ZBTB39: variants seen among roughly 807,000 people sequenced by gnomAD.
ZBTB39 encodes the protein zinc finger and BTB domain-containing protein 39.
Under a neutral mutation model 39.4 loss-of-function variants are expected in ZBTB39, and 25 were observed. That is an observed-to-expected ratio of 0.63 (90% CI 0.46 to 0.89). The LOEUF (loss-of-function observed/expected upper bound fraction) is 0.89. Among genes scored for constraint, ZBTB39 ranks in the 40% least tolerant of loss-of-function variants. The pLI is 0.00. For synonymous variants in ZBTB39, 373 were observed against 359.6 expected, an observed-to-expected ratio of 1.04 and a Z score of -0.42; for missense variants, 891 against 909.7, an observed-to-expected ratio of 0.98 and a Z score of 0.26.
chr12:56,998,961 C>T lies in ZBTB39; in HGVS notation c.*3818G>A, dbSNP rs748523771. ...TGGGGAAAAAAGTTTACAAAATATA[C>T]AAAACTTTACAGCAATAGATAGTAA... On this transcript the variant is annotated 3_prime_UTR_variant, in exon 2 of 2. Coordinates refer to ENST00000300101, the MANE Select transcript of ZBTB39 (RefSeq NM_014830.3). The T allele has an allele frequency of 1.8e-4, 28 of 152,612 alleles. No homozygotes were observed. In the East Asian group the frequency reaches 5.2e-3, roughly 28 times the overall value. 9.5% of individuals were successfully genotyped at this position (152,612 alleles called of 1,614,324 possible).
chr12:57,005,258 G>C (rs2092842526), intron 1 of ZBTB39, among the ~76,000 whole-genome samples: 2 of 152,180 alleles, frequency 1.3e-5, no homozygotes, highest in South Asian at 2.1e-4. Context: ...TTCATTACCA[G>C]AGCCACTGGA....
At position 57,003,253 on chromosome 12, in the gene ZBTB39, G is replaced by A. The variant is rs1956221310; in HGVS notation, c.1665C>T (p.Tyr555=). Residue 555 remains tyrosine (Y), a synonymous_variant, in exon 2 of 2, where the codon TAC becomes TAT. Coordinates refer to ENST00000300101, the MANE Select transcript of ZBTB39 (RefSeq NM_014830.3). The surrounding 1 kb of genome is among the most constrained non-coding windows in gnomAD (Gnocchi z 4.8). ...TGTTGCATTTGTGCTGGCTGACGTG[G>A]TAGCGATAGGCAGCCTCTGACTTGA... ...QSFKSEAAYR[Y]HVSQHKCNSG... The A allele has an allele frequency of 6.2e-7, 1 of 1,614,240 alleles. No individual in the cohort carries two copies. The highest frequency in any genetic ancestry group is 8.5e-7 in the Non-Finnish European group (1 of 1,180,022).
intron 1 of ZBTB39, among the ~76,000 whole-genome samples, chr12:57,006,094 C>G (rs2136411539): frequency 6.6e-6 from 1 of 152,294 alleles, no homozygotes; most frequent in East Asian, 1.9e-4. Context: ...CCGGGCGCCG[C>G]GGTCTCCCCT....
Position 57,002,840 on chromosome 12 carries a change from ATGG to A in ZBTB39, c.2075_2077del (p.Thr692del). On this transcript the variant is annotated inframe_deletion, in exon 2 of 2. Coordinates refer to ENST00000300101, the MANE Select transcript of ZBTB39 (RefSeq NM_014830.3). ...GATGATGTACATGAAGGTCTGCTCG[ATGG>A]TGAAGTCAGGGGGGAGGCTGCCTTT... 6.2e-7 allele frequency: 1 copy of A among 1,614,178 alleles called. No individual in the cohort carries two copies. Among genetic ancestry groups the A allele is most frequent in the Non-Finnish European group, 8.5e-7 (1 of 1,180,042 alleles).
At chr12:57,006,170 C>G (rs1037658654) in intron 1 of ZBTB39, among the ~76,000 whole-genome samples, 1 of 151,940 alleles carries the variant, frequency 6.6e-6, no homozygotes, top group Non-Finnish European at 1.5e-5. Context: ...AGGCAACGAG[C>G]GCCTCAGTCC....
At chr12:57,005,482 G>A (rs74600314) in intron 1 of ZBTB39, among the ~76,000 whole-genome samples, 1,641 of 152,128 alleles carry the variant, frequency 0.011, 26 homozygotes, top group African/African-American at 0.037. Context: ...TAAATCTCAC[G>A]TTCTTGAATC....
rs931680807 is a variant in ZBTB39 at position 57,001,766 on chromosome 12, C to T, written c.*1013G>A. ...CTACACACCACCAGTTACTCAGGTCCCTTTAATCCTGAAGGGCTCGCGGTC... is the reference window on the plus strand; with the variant it reads ...CTACACACCACCAGTTACTCAGGTCTCTTTAATCCTGAAGGGCTCGCGGTC... On this transcript the variant is annotated 3_prime_UTR_variant, in exon 2 of 2. Coordinates refer to ENST00000300101, the MANE Select transcript of ZBTB39 (RefSeq NM_014830.3). The T allele has an allele frequency of 1.3e-5, 2 of 152,984 alleles. No homozygotes were observed. Among genetic ancestry groups the T allele is most frequent in the African/African-American group, 4.8e-5 (2 of 41,426 alleles). 9.5% of individuals were successfully genotyped at this position (152,984 alleles called of 1,614,324 possible). A position where few individuals can be genotyped will look rare whatever the true frequency, so the allele number is the denominator to read the frequency against.
Position 57,002,447 on chromosome 12 carries a change from C to T in ZBTB39, c.*332G>A, listed in dbSNP as rs529115780. On this transcript the variant is annotated 3_prime_UTR_variant, in exon 2 of 2. Transcript: ENST00000300101. ...GGTTGGATTCTTAGCAGCATAAAACCTATCAGTAAACTAAAACTAGAGAGG... is the reference window on the plus strand; with the variant it reads ...GGTTGGATTCTTAGCAGCATAAAACTTATCAGTAAACTAAAACTAGAGAGG... 5.9e-5 allele frequency: 18 copies of T among 304,572 alleles called. No homozygotes were observed. In the Admixed American group the frequency reaches 6.0e-4, roughly 10 times the overall value. The allele number at this position is 304,572 out of a possible 1,614,324, so 18.9% of individuals were successfully genotyped here.
At position 56,999,743 on chromosome 12, in the gene ZBTB39, C is replaced by G; in HGVS notation, c.*3036G>C. On this transcript the variant is annotated 3_prime_UTR_variant, in exon 2 of 2. Coordinates refer to ENST00000300101, the MANE Select transcript of ZBTB39 (RefSeq NM_014830.3). The stretch of plus-strand genomic sequence containing the variant: ...GCCTCTGCTGTTTAACCCCGGGTGC[C>G]ACACAAGTATTACCATTTTCCCCTC... The G allele has an allele frequency of 6.6e-6, 1 of 152,208 alleles. No individual in the cohort carries two copies. Among genetic ancestry groups the G allele is most frequent in the African/African-American group, 2.4e-5 (1 of 41,442 alleles). 9.4% of individuals were successfully genotyped at this position (152,208 alleles called of 1,614,324 possible). A position where few individuals can be genotyped will look rare whatever the true frequency, so the allele number is the denominator to read the frequency against.
rs1456253742 is a variant in ZBTB39 at position 57,004,617 on chromosome 12, C to T, written c.301G>A (p.Val101Ile). ...AGACGCTCAGCTACCTCGTAGATGA[C>T]CCCAACATTGATCAGGTCTGTGAAG... ...ELFTDLINVG[V>I]IYEVAERLGM... The change falls in exon 2 of 2, where the codon GTC (valine) becomes ATC (isoleucine). Residue 101 changes from valine to isoleucine, a missense_variant. Val to Ile is a conservative substitution (Grantham distance 29, BLOSUM62 3). Transcript: ENST00000300101. 6.2e-7 allele frequency: 1 copy of T among 1,614,104 alleles called. No individual in the cohort carries two copies. Among genetic ancestry groups the T allele is most frequent in the Non-Finnish European group, 8.5e-7 (1 of 1,180,064 alleles).
rs1256346341 is a variant in ZBTB39, at chr12:57,004,724, T to C, written c.194A>G (p.Asp65Gly). 6.2e-7 allele frequency: 1 copy of C among 1,614,154 alleles called. No homozygotes were observed. Among genetic ancestry groups the C allele is most frequent in the Admixed American group, 1.7e-5 (1 of 60,028 alleles). Residue 65 changes from aspartate to glycine, a missense_variant, in exon 2 of 2, where the codon GAT becomes GGT. Coordinates refer to ENST00000300101, the MANE Select transcript of ZBTB39 (RefSeq NM_014830.3). ...FQNLFLNTGL[D>G]AARTYVVDFI... ...GTCCACCACATAGGTCCTGGCAGCA[T>C]CAAGCCCAGTATTCAGGAAGAGGTT...
rs1956205280 is a variant in ZBTB39, at chr12:57,000,674, A to C, written c.*2105T>G. ...AGGGAGAAGCCAGTCAGCAATGAAG[A>C]GTCTCAACACTGCTTTCCTGATGAG... On this transcript the variant is annotated 3_prime_UTR_variant, in exon 2 of 2. Coordinates refer to ENST00000300101, the MANE Select transcript of ZBTB39 (RefSeq NM_014830.3). 6.6e-6 allele frequency: 1 copy of C among 152,288 alleles called. No homozygotes were observed. The highest frequency in any genetic ancestry group is 1.5e-5 in the Non-Finnish European group (1 of 68,048). The allele number at this position is 152,288 out of a possible 1,614,324, so 9.4% of individuals were successfully genotyped here. A position where few individuals can be genotyped will look rare whatever the true frequency, so the allele number is the denominator to read the frequency against.
Position 57,003,145 on chromosome 12 carries a change from A to G in ZBTB39, c.1773T>C (p.Gly591=). ...GTTGGCCCTGCAGCGCCAGCTCTTC[A>G]CCCAGAAACTCCTCTGCTGGCAGCT... ...KRKLPAEEFL[G]EELALQGQPG... Residue 591 remains glycine, a synonymous_variant, in exon 2 of 2, where the codon GGT becomes GGC. Coordinates refer to ENST00000300101, the MANE Select transcript of ZBTB39 (RefSeq NM_014830.3). The surrounding 1 kb of genome is among the most constrained non-coding windows in gnomAD (Gnocchi z 4.8). 6.2e-7 allele frequency: 1 copy of G among 1,614,040 alleles called. No individual in the cohort carries two copies. The highest frequency in any genetic ancestry group is 1.1e-5 in the South Asian group (1 of 91,074).
rs1209102708 is a variant in ZBTB39, at chr12:57,004,113, T to C, written c.805A>G (p.Ile269Val). Residue 269 changes from isoleucine to valine, a missense_variant, in exon 2 of 2, where the codon ATT becomes GTT. Ile to Val is a conservative substitution (Grantham distance 29). Coordinates refer to ENST00000300101, the MANE Select transcript of ZBTB39 (RefSeq NM_014830.3). ...AGACAGGAGTTGGTCCCAGTGGTAA[T>C]GTCTACTGCATTGTCAGGGGTGAGG... ...SFLTPDNAVD[I>V]TTGTNSCLSN... The C allele has an allele frequency of 1.2e-6, 2 of 1,614,074 alleles. No homozygotes were observed. Among genetic ancestry groups the C allele is most frequent in the African/African-American group, 2.7e-5 (2 of 74,930 alleles).
chr12:57,005,880 C>T (rs987490621), intron 1 of ZBTB39, among the ~76,000 whole-genome samples: 8 of 152,212 alleles, frequency 5.3e-5, no homozygotes, highest in African/African-American at 1.4e-4. Context: ...CCAACACAGC[C>T]CCTTTCTCCA....
At position 57,002,958 on chromosome 12, in the gene ZBTB39, T is replaced by G; in HGVS notation, c.1960A>C (p.Thr654Pro). ...GRSTIKCHLK[T>P]HSGALMYRCT... Reference sequence around the variant, plus strand: ...CGGTACATGAGGGCCCCCGAGTGTGTCTTTAGGTGGCACTTGATGGTCGAG... The same window carrying G: ...CGGTACATGAGGGCCCCCGAGTGTGGCTTTAGGTGGCACTTGATGGTCGAG... The change falls in exon 2 of 2, where the codon ACA becomes CCA. Residue 654 changes from threonine (T) to proline (P), a missense_variant. Transcript: ENST00000300101. The G allele has an allele frequency of 6.2e-7, 1 of 1,614,194 alleles. No homozygotes were observed. The highest frequency in any genetic ancestry group is 8.5e-7 in the Non-Finnish European group (1 of 1,180,032).
At position 57,002,448 on chromosome 12, in the gene ZBTB39, T is replaced by C; in HGVS notation, c.*331A>G. 3.2e-6 allele frequency: 1 copy of C among 308,484 alleles called. No individual in the cohort carries two copies. Among genetic ancestry groups the C allele is most frequent in the Non-Finnish European group, 6.0e-6 (1 of 165,470 alleles). 19.1% of individuals were successfully genotyped at this position (308,484 alleles called of 1,614,324 possible). On this transcript the variant is annotated 3_prime_UTR_variant, in exon 2 of 2. Transcript: ENST00000300101. ...GTTGGATTCTTAGCAGCATAAAACCTATCAGTAAACTAAAACTAGAGAGGC... is the reference window on the plus strand; with the variant it reads ...GTTGGATTCTTAGCAGCATAAAACCCATCAGTAAACTAAAACTAGAGAGGC...
In ZBTB39 at chr12:57,003,495, G is replaced by A. The variant is rs548510754; in HGVS notation, c.1423C>T (p.Leu475=). The A allele has an allele frequency of 6.2e-7, 1 of 1,613,738 alleles. No individual in the cohort carries two copies. Among genetic ancestry groups the A allele is most frequent in the African/African-American group, 1.3e-5 (1 of 75,062 alleles). Residue 475 remains leucine, a synonymous_variant, in exon 2 of 2, where the codon CTA becomes TTA. Transcript: ENST00000300101. This position sits in a 1 kb window ranked among gnomAD's most constrained non-coding sequence, Gnocchi z 4.8. ...CTGCAGGCCTGGCCCTTCAAGTTTA[G>A]ATGGTCAAGGATGTGGCCCCGGACC... ...HVVRGHILDH[L]NLKGQACSVC... is the part of the protein sequence containing the mutation.
rs1307625091 is a variant in ZBTB39, at chr12:57,003,254, T to G, written c.1664A>C (p.Tyr555Ser). 1.2e-6 allele frequency: 2 copies of G among 1,614,092 alleles called. No individual in the cohort carries two copies. The highest frequency in any genetic ancestry group is 1.7e-5 in the Admixed American group (1 of 60,010). Residue 555 changes from tyrosine (Y) to serine (S), a missense_variant, in exon 2 of 2, where the codon TAC (tyrosine) becomes TCC (serine). Tyr to Ser is a moderately radical substitution (Grantham distance 144). Coordinates refer to ENST00000300101, the MANE Select transcript of ZBTB39 (RefSeq NM_014830.3). This position sits in a 1 kb window ranked among gnomAD's most constrained non-coding sequence, Gnocchi z 4.8. The part of the protein sequence containing the change: ...QSFKSEAAYR[Y>S]HVSQHKCNSG... ...GTTGCATTTGTGCTGGCTGACGTGG[T>G]AGCGATAGGCAGCCTCTGACTTGAA...
Sources: allele counts gnomAD v4.1 joint callset (sites outside exome capture counted in the v4.1 genomes callset), GRCh38; gene constraint gnomAD v4.1.1; non-coding constraint Gnocchi (gnomAD v3.1); transcripts MANE v1.5; gene names NCBI Gene and HGNC (gene_info 2026-07-23, HGNC 2026-07-21).